The following GLIPR1L2 variants were observed in gnomAD, a reference collection of about 807,000 sequenced individuals.
GLIPR1L2 encodes the protein GLIPR1-like protein 2.
In GLIPR1L2, 21 loss-of-function variants were observed where a neutral mutation model predicts 28.4. The observed-to-expected ratio is 0.74, with a 90% CI of 0.52 to 1.06. The LOEUF is 1.06. Ranked by LOEUF, GLIPR1L2 falls within the 50% of genes least tolerant of loss-of-function variation. GLIPR1L2 has a pLI of 0.00. For missense variants in GLIPR1L2, 476 were observed against 416.9 expected, an observed-to-expected ratio of 1.14 and a Z score of -1.23; for synonymous variants, 145 against 139.3, an observed-to-expected ratio of 1.04 and a Z score of -0.29.
chr12:75,403,850 C>T (rs1342610511), intron 1 of GLIPR1L2, among the ~76,000 whole-genome samples: 2 of 152,134 alleles, frequency 1.3e-5, no homozygotes, highest in Admixed American at 6.5e-5. Flanking sequence ...AAGCAACTAC[C>T]TGAGACTAAA....
intron 1 of GLIPR1L2, among the ~76,000 whole-genome samples, chr12:75,406,275 G>A (rs749224145): frequency 2.0e-4 from 30 of 151,818 alleles, no homozygotes; most frequent in African/African-American, 1.9e-4. Context: ...CAAAACTTTC[G>A]AAATTTTTTA....
At chr12:75,412,463 T>A (rs1369258427) in intron 2 of GLIPR1L2, among the ~76,000 whole-genome samples, 1 of 151,920 alleles carries the variant, frequency 6.6e-6, no homozygotes, top group African/African-American at 2.4e-5. Context: ...AGGGCTAATA[T>A]CCAGAATCTA....
intron 1 of GLIPR1L2, among the ~76,000 whole-genome samples, chr12:75,398,632 C>T (rs188831763): frequency 6.6e-6 from 1 of 152,184 alleles, no homozygotes; most frequent in East Asian, 1.9e-4. Flanking sequence ...GGAGAAGGCT[C>T]AAGACTTAGA....
chr12:75,422,792 T>A (rs1165983669), intron 3 of GLIPR1L2, 112 bp from the exon 4 acceptor site: 1 of 818,118 alleles, frequency 1.2e-6, no homozygotes, highest in Non-Finnish European at 1.9e-6. Context: ...TTAAGTCCAG[T>A]TTCTTAACCC....
At chr12:75,417,334 G>GA (rs2045932998) in intron 3 of GLIPR1L2, among the ~76,000 whole-genome samples, 1 of 152,082 alleles carries the variant, frequency 6.6e-6, no homozygotes, top group South Asian at 2.1e-4. Context: ...CCAGAAGCTG[G>GA]AAAAATCAAG....
chr12:75,395,254 AT>A (rs2045671018), intron 1 of GLIPR1L2, among the ~76,000 whole-genome samples: 1 of 152,058 alleles, frequency 6.6e-6, no homozygotes, highest in Non-Finnish European at 1.5e-5. Flanking sequence ...ATATCGAACC[AT>A]TCCTGCACCA....
intron 3 of GLIPR1L2, among the ~76,000 whole-genome samples, chr12:75,421,941 G>T (rs888450553): frequency 6.6e-6 from 1 of 151,826 alleles, no homozygotes; most frequent in Non-Finnish European, 1.5e-5. Flanking sequence ...CAACCAGGAA[G>T]CAATTAATTA....
At chr12:75,417,191 C>G (rs1399823409) in intron 3 of GLIPR1L2, among the ~76,000 whole-genome samples, 2 of 151,924 alleles carry the variant, frequency 1.3e-5, no homozygotes, top group African/African-American at 4.8e-5. Context: ...TGGGTGAGGG[C>G]TAAATGCAAT....
intron 4 of GLIPR1L2, chr12:75,423,204 T>C: frequency 7.2e-7 from 1 of 1,389,604 alleles, no homozygotes; most frequent in Non-Finnish European, 9.3e-7. Context: ...TTCCTTCCCC[T>C]GAGGACATAC....
At chr12:75,399,999 A>G (rs1256021937) in intron 1 of GLIPR1L2, among the ~76,000 whole-genome samples, 1 of 152,222 alleles carries the variant, frequency 6.6e-6, no homozygotes, top group African/African-American at 2.4e-5. Flanking sequence ...ATATTAACAA[A>G]TTATTGGAAA....
At chr12:75,413,495 G>T in intron 2 of GLIPR1L2, 103 bp from the exon 3 acceptor site, 1 of 664,416 alleles carries the variant, frequency 1.5e-6, no homozygotes, top group South Asian at 2.1e-5. Context: ...TTCTTGAATT[G>T]CTTGGTGAAA....
chr12:75,392,017 A>G (rs1181982188), intron 1 of GLIPR1L2, among the ~76,000 whole-genome samples: 6 of 152,122 alleles, frequency 3.9e-5, no homozygotes, highest in African/African-American at 1.4e-4. Context: ...TAGTCATTTA[A>G]CAACTCAACT....
chr12:75,391,341 G>A lies in GLIPR1L2; in HGVS notation c.225G>A (p.Leu75=). The A allele has an allele frequency of 2.5e-6, 4 of 1,613,974 alleles. No individual in the cohort carries two copies. Among genetic ancestry groups the A allele is most frequent in the Non-Finnish European group, 3.4e-6 (4 of 1,179,822 alleles). ...RGDVIPRGSN[L]RFMTWDVALS... ...ACGTCATTCCCCGAGGGTCTAACTTGCGCTTCATGGTGAGGCCGGAAGGCG... is the reference window on the plus strand; with the variant it reads ...ACGTCATTCCCCGAGGGTCTAACTTACGCTTCATGGTGAGGCCGGAAGGCG... The change falls in exon 1 of 6, where the codon TTG becomes TTA. Residue 75 remains leucine, a synonymous_variant. Coordinates refer to ENST00000550916, the MANE Select transcript of GLIPR1L2 (RefSeq NM_001270396.2).
intron 3 of GLIPR1L2, among the ~76,000 whole-genome samples, chr12:75,420,138 C>A (rs1409762822): frequency 6.6e-6 from 1 of 152,104 alleles, no homozygotes; most frequent in Non-Finnish European, 1.5e-5. Context: ...ATGGAAAAAT[C>A]GACATCTGTT....
At chr12:75,410,938 A>G (rs1029928077) in intron 2 of GLIPR1L2, among the ~76,000 whole-genome samples, 95 of 152,012 alleles carry the variant, frequency 6.2e-4, no homozygotes, top group African/African-American at 2.1e-3. Flanking sequence ...CCTAAAAATA[A>G]TGTACACTGG....
intron 3 of GLIPR1L2, among the ~76,000 whole-genome samples, chr12:75,417,227 G>C (rs1422649983): frequency 1.3e-5 from 2 of 152,066 alleles, no homozygotes; most frequent in African/African-American, 4.8e-5. Flanking sequence ...AAGAGATGGA[G>C]AGGAGGATTC....
intron 2 of GLIPR1L2, among the ~76,000 whole-genome samples, chr12:75,413,118 TCTCA>T (rs1197385018): frequency 1.3e-5 from 2 of 150,902 alleles, no homozygotes; most frequent in Non-Finnish European, 2.9e-5. Flanking sequence ...CACCGCATGT[TCTCA>T]CTCATAGGTG....
chr12:75,393,620 A>C (rs2045653618), intron 1 of GLIPR1L2, among the ~76,000 whole-genome samples: 1 of 152,038 alleles, frequency 6.6e-6, no homozygotes, highest in Non-Finnish European at 1.5e-5. Flanking sequence ...TGCATATACC[A>C]CATTTTGTTT....
At chr12:75,425,193 TGAG>T (rs1467135563) in intron 4 of GLIPR1L2, among the ~76,000 whole-genome samples, 2 of 151,648 alleles carry the variant, frequency 1.3e-5, no homozygotes, top group African/African-American at 4.9e-5. Flanking sequence ...CCAGGCAAGG[TGAG>T]GAGAGCATCA....
Sources: gnomAD v4.1 joint callset for allele counts (sites outside exome capture counted in the v4.1 genomes callset) on GRCh38, gnomAD v4.1.1 for gene constraint, MANE v1.5 for transcripts, NCBI Gene and HGNC (gene_info 2026-07-23, HGNC 2026-07-21) for gene names.